ATF6: variants seen among roughly 807,000 people sequenced by gnomAD.
The protein encoded by ATF6 is activating transcription factor 6.
ATF6 carries 53 observed loss-of-function variants against 83.6 expected under a neutral mutation model. The observed-to-expected ratio is 0.63, with a 90% CI of 0.51 to 0.80. The LOEUF (loss-of-function observed/expected upper bound fraction) is 0.80, where lower values mean the gene tolerates loss of function less well. Among genes scored for constraint, ATF6 ranks in the 30% least tolerant of loss-of-function variants. The pLI, the probability that ATF6 is intolerant of heterozygous loss-of-function variation, is 0.00. For synonymous variants in ATF6, 288 were observed against 285.8 expected, an observed-to-expected ratio of 1.01 and a Z score of -0.08; for missense variants, 744 against 797.9, an observed-to-expected ratio of 0.93 and a Z score of 0.81.
chr1:161,963,451 A>G lies in ATF6; in HGVS notation c.*4797A>G, dbSNP rs532539182. 20 of 152,320 alleles carry G rather than the reference A, an allele frequency of 1.3e-4. No homozygotes were observed. In the East Asian group the frequency reaches 3.1e-3, roughly 23 times the overall value. The allele number at this position is 152,320 out of a possible 1,614,324, so 9.4% of individuals were successfully genotyped here. A position where few individuals can be genotyped will look rare whatever the true frequency, so the allele number is the denominator to read the frequency against. On this transcript the variant is annotated 3_prime_UTR_variant, in exon 16 of 16. Transcript: ENST00000367942. ...CATTAGGGATTTAGCACACTAAAAT[A>G]CTTTTAATTATATTAGGTTTGGTAA...
At chr1:161,812,658 C>T (rs1295473518) in intron 7 of ATF6, among the ~76,000 whole-genome samples, 4 of 151,952 alleles carry the variant, frequency 2.6e-5, no homozygotes, top group Admixed American at 1.3e-4. Context: ...TCCCAAAGTG[C>T]TGGGATCACA....
At chr1:161,893,888 A>G (rs1687614185) in intron 14 of ATF6, among the ~76,000 whole-genome samples, 1 of 152,204 alleles carries the variant, frequency 6.6e-6, no homozygotes, top group Non-Finnish European at 1.5e-5. Flanking sequence ...TTTATGACAG[A>G]TTGAAATAAA....
At chr1:161,835,625 G>A (rs1459169019) in intron 9 of ATF6, among the ~76,000 whole-genome samples, 1 of 152,132 alleles carries the variant, frequency 6.6e-6, no homozygotes. Context: ...GATAATGTAC[G>A]TAAGGGAAGT....
chr1:161,909,805 A>C (rs1687953450), intron 14 of ATF6, among the ~76,000 whole-genome samples: 1 of 152,042 alleles, frequency 6.6e-6, no homozygotes, highest in Admixed American at 6.6e-5. Context: ...AAATACAAAA[A>C]ATTAGCCGGG....
At chr1:161,820,189 A>G (rs1308333272) in intron 8 of ATF6, among the ~76,000 whole-genome samples, 1 of 152,148 alleles carries the variant, frequency 6.6e-6, no homozygotes, top group Non-Finnish European at 1.5e-5. Flanking sequence ...CTAACAACTA[A>G]TGTGATTTTT....
chr1:161,783,439 C>T (rs548173293), intron 3 of ATF6, among the ~76,000 whole-genome samples: 1 of 152,130 alleles, frequency 6.6e-6, no homozygotes, highest in Non-Finnish European at 1.5e-5. Flanking sequence ...GCCATAGTTG[C>T]TCAGTACATT....
chr1:161,840,516 C>T (rs1686331466), intron 9 of ATF6: 1 of 152,142 alleles, frequency 6.6e-6, no homozygotes. Context: ...CATAAGAAAG[C>T]AGGTTTGCAA....
At chr1:161,930,758 A>G (rs989346042) in intron 15 of ATF6, among the ~76,000 whole-genome samples, 12 of 152,240 alleles carry the variant, frequency 7.9e-5, no homozygotes, top group Non-Finnish European at 1.6e-4. Context: ...AAATTACACC[A>G]TATTTATTTT....
At chr1:161,942,499 C>T (rs1040806389) in intron 15 of ATF6, among the ~76,000 whole-genome samples, 43 of 152,104 alleles carry the variant, frequency 2.8e-4, no homozygotes, top group Non-Finnish European at 1.0e-4. Flanking sequence ...TATTAATATC[C>T]CCATGTTATA....
intron 6 of ATF6, among the ~76,000 whole-genome samples, chr1:161,794,629 G>A (rs955969009): frequency 3.9e-5 from 6 of 152,022 alleles, no homozygotes; most frequent in African/African-American, 2.4e-5. Context: ...TTTAGTTTTC[G>A]AACTTTATAA....
At chr1:161,783,146 C>G (rs937671176) in intron 3 of ATF6, among the ~76,000 whole-genome samples, 3 of 152,154 alleles carry the variant, frequency 2.0e-5, no homozygotes, top group African/African-American at 7.2e-5. Flanking sequence ...TTCAAAGGCT[C>G]CAAGTATGAG....
chr1:161,778,919 G>A (rs1684579890), intron 2 of ATF6, among the ~76,000 whole-genome samples: 1 of 152,094 alleles, frequency 6.6e-6, no homozygotes, highest in Non-Finnish European at 1.5e-5. Context: ...TAATGGATGA[G>A]GTGCTGTTTC....
At chr1:161,941,919 C>G (rs1688653215) in intron 15 of ATF6, among the ~76,000 whole-genome samples, 1 of 151,938 alleles carries the variant, frequency 6.6e-6, no homozygotes, top group African/African-American at 2.4e-5. Context: ...CCACTGTCTT[C>G]TTTGTCTTCT....
At chr1:161,856,982 T>C (rs777780686) in intron 12 of ATF6, among the ~76,000 whole-genome samples, 20 of 152,202 alleles carry the variant, frequency 1.3e-4, no homozygotes, top group Non-Finnish European at 1.5e-4. Context: ...AATGTGAGAA[T>C]CTTAGCTACT....
At chr1:161,831,181 G>A (rs1571169859) in intron 9 of ATF6, among the ~76,000 whole-genome samples, 2 of 152,218 alleles carry the variant, frequency 1.3e-5, no homozygotes, top group African/African-American at 4.8e-5. Context: ...GCAGCCAAAA[G>A]ACACATGAAA....
chr1:161,824,753 C>T (rs920184364), intron 9 of ATF6, among the ~76,000 whole-genome samples: 1 of 152,078 alleles, frequency 6.6e-6, no homozygotes, highest in Non-Finnish European at 1.5e-5. Flanking sequence ...ATCTGGTATA[C>T]GTGGTACTTA....
intron 14 of ATF6, among the ~76,000 whole-genome samples, chr1:161,894,943 G>A (rs1025574157): frequency 6.7e-6 from 1 of 150,178 alleles, no homozygotes; most frequent in African/African-American, 2.4e-5. Flanking sequence ...CAATTTAAGT[G>A]ATTTTTAATT....
chr1:161,936,319 T>G (rs893519409), intron 15 of ATF6, among the ~76,000 whole-genome samples: 6 of 152,176 alleles, frequency 3.9e-5, no homozygotes, highest in Non-Finnish European at 5.9e-5. Context: ...AATTTTTAAT[T>G]TTTGTGGGTA....
chr1:161,846,584 A>G lies in ATF6; in HGVS notation c.1319+4A>G. On this transcript the variant is annotated splice_donor_region_variant and intron_variant, in intron 10 of 15. Transcript: ENST00000367942. The stretch of plus-strand genomic sequence containing the variant: ...TTATCCAGAAAAACAGCTACAGGTA[A>G]GATGGCATGCATCTATCTTTTGGCC... 5 of 1,599,262 alleles carry G rather than the reference A, an allele frequency of 3.1e-6. No individual in the cohort carries two copies. Among genetic ancestry groups the G allele is most frequent in the Non-Finnish European group, 4.3e-6 (5 of 1,172,622 alleles).
Sources: allele counts gnomAD v4.1 joint callset (sites outside exome capture counted in the v4.1 genomes callset), GRCh38; gene constraint gnomAD v4.1.1; transcripts MANE v1.5; gene names NCBI Gene and HGNC (gene_info 2026-07-23, HGNC 2026-07-21).